CNTNAP2: variants seen among roughly 807,000 people sequenced by gnomAD.
CNTNAP2 encodes the protein contactin-associated protein-like 2.
In CNTNAP2, 98 loss-of-function variants were observed where a neutral mutation model predicts 155.2. The ratio of observed to expected loss-of-function variants is 0.63; its 90% CI spans 0.54 to 0.75. The LOEUF (loss-of-function observed/expected upper bound fraction) is 0.75. Among genes scored for constraint, CNTNAP2 ranks in the 30% least tolerant of loss-of-function variants. CNTNAP2 has a pLI of 0.00. For missense variants in CNTNAP2, 1,727 were observed against 1,688.1 expected (o/e 1.02, Z -0.40); for synonymous variants, 651 against 631.2 (o/e 1.03, Z -0.47).
chr7:147,751,626 G>A (rs1490023128), intron 13 of CNTNAP2, among the ~76,000 whole-genome samples: 3 of 152,190 alleles, frequency 2.0e-5, no homozygotes, highest in African/African-American at 4.8e-5. Flanking sequence ...GTGCAAACAC[G>A]AGCTGTCCAT....
chr7:148,203,660 G>A (rs1000204227), intron 18 of CNTNAP2, among the ~76,000 whole-genome samples: 11 of 152,260 alleles, frequency 7.2e-5, no homozygotes, highest in African/African-American at 1.4e-4. Flanking sequence ...CACAAGAATC[G>A]CTTGAACCCG....
chr7:146,496,215 GCT>G (rs1797212915), intron 1 of CNTNAP2, among the ~76,000 whole-genome samples: 1 of 150,992 alleles, frequency 6.6e-6, no homozygotes, highest in African/African-American at 2.4e-5. Flanking sequence ...TCTAGATGTG[GCT>G]CTGAGTTCAG....
At chr7:147,154,547 T>G (rs1162329560) in intron 8 of CNTNAP2, among the ~76,000 whole-genome samples, 1 of 152,182 alleles carries the variant, frequency 6.6e-6, no homozygotes, top group South Asian at 2.1e-4. Flanking sequence ...TAAATCATCT[T>G]CCATTTTATA....
intron 1 of CNTNAP2, among the ~76,000 whole-genome samples, chr7:146,205,220 AAC>A (rs1798927788): frequency 6.6e-6 from 1 of 151,968 alleles, no homozygotes; most frequent in East Asian, 1.9e-4. Flanking sequence ...TGTTTAATTA[AAC>A]AGAGACAAGT....
chr7:146,412,750 A>G (rs1795884637), intron 1 of CNTNAP2, among the ~76,000 whole-genome samples: 2 of 152,198 alleles, frequency 1.3e-5, no homozygotes, highest in Admixed American at 1.3e-4. Flanking sequence ...TTCAACGGAC[A>G]TAGAAGTAGA....
intron 13 of CNTNAP2, among the ~76,000 whole-genome samples, chr7:147,683,544 G>A (rs1370176297): frequency 6.6e-6 from 1 of 151,694 alleles, no homozygotes; most frequent in African/African-American, 2.4e-5. Flanking sequence ...AACTTTATGT[G>A]TAAAGATACT....
chr7:148,253,861 C>T (rs934425958), intron 20 of CNTNAP2, among the ~76,000 whole-genome samples: 2 of 152,140 alleles, frequency 1.3e-5, no homozygotes, highest in African/African-American at 4.8e-5. Flanking sequence ...CTCGGGGTAT[C>T]GGTTTCAGGA....
rs140099885 is a variant in CNTNAP2 at position 147,317,704 on chromosome 7, G to C, written c.1498+17414G>C. On this transcript the variant is annotated intron_variant, in intron 9 of 23. Coordinates refer to ENST00000361727, the MANE Select transcript of CNTNAP2 (RefSeq NM_014141.6). ...ATAGATTATAAAGATATATGAATTA[G>C]GGAGATTATTTGTTTAATGTCTGCC... 2.9e-3 allele frequency among the ~76,000 whole-genome samples: 435 copies of C among 151,992 alleles called. 2 individuals are homozygous for C. Among genetic ancestry groups the C allele is most frequent in the African/African-American group, 1.0e-2 (413 of 41,478 alleles).
chr7:147,886,301 T>A (rs1031370113), intron 13 of CNTNAP2, among the ~76,000 whole-genome samples: 2 of 151,840 alleles, frequency 1.3e-5, no homozygotes, highest in African/African-American at 4.8e-5. Context: ...GGTGAAACCC[T>A]GTCTCTAATA....
At chr7:146,144,225 C>T (rs1562966613) in intron 1 of CNTNAP2, among the ~76,000 whole-genome samples, 1 of 152,072 alleles carries the variant, frequency 6.6e-6, no homozygotes, top group Non-Finnish European at 1.5e-5. Flanking sequence ...GATCTCAGCT[C>T]ACTGCAAGCT....
intron 2 of CNTNAP2, among the ~76,000 whole-genome samples, chr7:146,793,096 A>G (rs947296493): frequency 2.6e-5 from 4 of 152,194 alleles, no homozygotes; most frequent in African/African-American, 9.7e-5. Flanking sequence ...TCAATTTGCT[A>G]CTTTACATTT....
intron 1 of CNTNAP2, among the ~76,000 whole-genome samples, chr7:146,645,427 C>T (rs1799794451): frequency 6.6e-6 from 1 of 152,128 alleles, no homozygotes; most frequent in South Asian, 2.1e-4. Context: ...AGAGGGTCTG[C>T]ATACCCCCTG....
At chr7:147,043,862 C>A in intron 3 of CNTNAP2, 45 bp from the exon 4 acceptor site, 1 of 1,608,808 alleles carries the variant, frequency 6.2e-7, no homozygotes, top group Non-Finnish European at 8.5e-7. Context: ...ATGATTGTTT[C>A]TAAAGTATTT....
chr7:147,487,338 CA>C (rs1392295085), intron 11 of CNTNAP2, among the ~76,000 whole-genome samples: 3 of 151,864 alleles, frequency 2.0e-5, no homozygotes, highest in Non-Finnish European at 2.9e-5. Context: ...GAATAAAGAA[CA>C]AAAATGATTG....
chr7:146,119,702 C>T (rs2116715725), intron 1 of CNTNAP2, among the ~76,000 whole-genome samples: 1 of 152,160 alleles, frequency 6.6e-6, no homozygotes, highest in Non-Finnish European at 1.5e-5. Context: ...TTAGAGTTAA[C>T]TGAATTTTCA....
chr7:146,683,048 T>C (rs1487433512), intron 1 of CNTNAP2, among the ~76,000 whole-genome samples: 1 of 146,704 alleles, frequency 6.8e-6, no homozygotes, highest in African/African-American at 2.8e-5. Context: ...TTTTTCTTTT[T>C]TTTGAGACAG....
chr7:147,508,050 A>G (rs1264348160), intron 11 of CNTNAP2, among the ~76,000 whole-genome samples: 2 of 151,900 alleles, frequency 1.3e-5, no homozygotes, highest in African/African-American at 4.8e-5. Context: ...ACTGTCCCTA[A>G]CCATGGCATC....
At chr7:148,110,198 C>G (rs917836883) in intron 15 of CNTNAP2, among the ~76,000 whole-genome samples, 4 of 152,056 alleles carry the variant, frequency 2.6e-5, no homozygotes, top group Non-Finnish European at 5.9e-5. Flanking sequence ...AGTGCTGAAA[C>G]AGTTGTTATG....
rs986848347 is a variant in CNTNAP2 at position 147,300,191 on chromosome 7, G to C, written c.1399G>C (p.Glu467Gln). The C allele has an allele frequency of 3.7e-6, 6 of 1,614,012 alleles. No individual in the cohort carries two copies. The highest frequency in any genetic ancestry group is 5.1e-6 in the Non-Finnish European group (6 of 1,179,934). The part of the protein sequence containing the change: ...QWHEVRFLAK[E>Q]NFAILTIDGD... Reference sequence around the variant, plus strand: ...GCACGAGGTTCGCTTCCTAGCCAAGGAAAATTTTGCTATTCTCACCATCGA... The same window carrying C: ...GCACGAGGTTCGCTTCCTAGCCAAGCAAAATTTTGCTATTCTCACCATCGA... Residue 467 changes from glutamate to glutamine, a missense_variant, in exon 9 of 24, where the codon GAA (glutamate) becomes CAA (glutamine). Coordinates refer to ENST00000361727, the MANE Select transcript of CNTNAP2 (RefSeq NM_014141.6).
Sources: gnomAD v4.1 joint callset for allele counts (sites outside exome capture counted in the v4.1 genomes callset) on GRCh38, gnomAD v4.1.1 for gene constraint, MANE v1.5 for transcripts, NCBI Gene and HGNC (gene_info 2026-07-23, HGNC 2026-07-21) for gene names.